GSK3B: variants seen among roughly 807,000 people sequenced by gnomAD.
GSK3B encodes the protein glycogen synthase kinase-3 beta.
GSK3B carries 15 observed loss-of-function variants against 56.4 expected under a neutral mutation model. The observed-to-expected ratio is 0.27, with a 90% confidence interval of 0.18 to 0.41. The LOEUF is 0.41. Among genes scored for constraint, GSK3B ranks in the 10% least tolerant of loss-of-function variants. The pLI is 1.00. For missense variants in GSK3B, 300 were observed against 513.4 expected (o/e 0.58, Z 4.02); for synonymous variants, 181 against 188.9 (o/e 0.96, Z 0.34).
At chr3:119,882,901 T>G (rs2056395153) in intron 7 of GSK3B, among the ~76,000 whole-genome samples, 1 of 152,132 alleles carries the variant, frequency 6.6e-6, no homozygotes. Context: ...AGCTATATTC[T>G]TTACCTTCAA....
chr3:119,845,962 T>C (rs2055850391), intron 9 of GSK3B, among the ~76,000 whole-genome samples: 1 of 152,020 alleles, frequency 6.6e-6, no homozygotes. Flanking sequence ...TACAGACCAA[T>C]GGAACAGAAC....
Position 120,010,007 on chromosome 3 carries a change from C to A in GSK3B, c.89-7768G>T, listed in dbSNP as rs893797630. Among the ~76,000 whole-genome samples the A allele has an allele frequency of 7.5e-4, 114 of 152,228 alleles. 1 individual carries two copies. Among genetic ancestry groups the A allele is most frequent in the African/African-American group, 2.4e-3 (100 of 41,524 alleles). ...AACACTCAAACTGGCATGATTTAATCACCCCAAATCCAAAACCACTTGTGA... is the reference window on the plus strand; with the variant it reads ...AACACTCAAACTGGCATGATTTAATAACCCCAAATCCAAAACCACTTGTGA... On this transcript the variant is annotated intron_variant, in intron 1 of 10. Coordinates refer to ENST00000264235, the MANE Select transcript of GSK3B (RefSeq NM_001146156.2).
chr3:120,089,463 G>A (rs2058492847), intron 1 of GSK3B, among the ~76,000 whole-genome samples: 2 of 152,144 alleles, frequency 1.3e-5, no homozygotes, highest in Admixed American at 1.3e-4. Context: ...ATGTCATAAA[G>A]AGATTAAACT....
At chr3:120,033,304 CAT>C (rs1169090098) in intron 1 of GSK3B, among the ~76,000 whole-genome samples, 3 of 152,070 alleles carry the variant, frequency 2.0e-5, no homozygotes, top group Non-Finnish European at 4.4e-5. Context: ...ATGCTATGAA[CAT>C]GTGTATATAT....
intron 1 of GSK3B, among the ~76,000 whole-genome samples, chr3:120,017,991 GA>G (rs1158821587): frequency 5.3e-5 from 8 of 152,184 alleles, no homozygotes; most frequent in Non-Finnish European, 1.0e-4. Context: ...TCAACAGATT[GA>G]GAAGATAATG....
intron 8 of GSK3B, among the ~76,000 whole-genome samples, chr3:119,871,855 T>C (rs1342749040): frequency 6.6e-6 from 1 of 152,194 alleles, no homozygotes; most frequent in Non-Finnish European, 1.5e-5. Flanking sequence ...ACATATTAAA[T>C]AGCACTAATG....
chr3:119,976,390 C>T (rs1431218251), intron 2 of GSK3B, among the ~76,000 whole-genome samples: 1 of 152,014 alleles, frequency 6.6e-6, no homozygotes, highest in Non-Finnish European at 1.5e-5. Context: ...TATTATTCAG[C>T]CATAAAAGGA....
At chr3:120,006,996 G>C (rs367561357) in intron 1 of GSK3B, among the ~76,000 whole-genome samples, 2 of 151,242 alleles carry the variant, frequency 1.3e-5, no homozygotes, top group South Asian at 4.2e-4. Context: ...TTTTTTGAAA[G>C]ATCAACAAAA....
intron 1 of GSK3B, among the ~76,000 whole-genome samples, chr3:120,083,305 C>T (rs1303830330): frequency 2.0e-5 from 3 of 151,760 alleles, no homozygotes; most frequent in Non-Finnish European, 4.4e-5. Flanking sequence ...TGAAGAGCAG[C>T]GAAAGAAGTC....
At chr3:120,072,719 A>G (rs1435515994) in intron 1 of GSK3B, among the ~76,000 whole-genome samples, 1 of 152,240 alleles carries the variant, frequency 6.6e-6, no homozygotes, top group Non-Finnish European at 1.5e-5. Context: ...ATTTTTCAAC[A>G]TTCATCATTT....
intron 9 of GSK3B, among the ~76,000 whole-genome samples, chr3:119,861,526 AAAACAAACAAAC>A (rs201757793): frequency 4.0e-5 from 6 of 151,360 alleles, no homozygotes; most frequent in Non-Finnish European, 7.4e-5. Context: ...AAAAAAAAAC[AAAACAAACAAAC>A]AAACAAACAA....
chr3:120,024,987 A>G (rs2057910965), intron 1 of GSK3B, among the ~76,000 whole-genome samples: 1 of 152,230 alleles, frequency 6.6e-6, no homozygotes, highest in Admixed American at 6.5e-5. Context: ...GAAAGAAGAT[A>G]GACTCACTAA....
rs143624305 is a variant in GSK3B, at chr3:119,830,633, A to C, written c.1196-3778T>G. ...CATTTTCATTATAAATGATCTGACTATGGATCATTAACCCACTCTAGTCTC... is the reference window on the plus strand; with the variant it reads ...CATTTTCATTATAAATGATCTGACTCTGGATCATTAACCCACTCTAGTCTC... On this transcript the variant is annotated intron_variant, in intron 10 of 10. Coordinates refer to ENST00000264235, the MANE Select transcript of GSK3B (RefSeq NM_001146156.2). 2.6e-5 allele frequency among the ~76,000 whole-genome samples: 4 copies of C among 152,326 alleles called. No homozygotes were observed. The East Asian group carries it at 7.7e-4, about 29-fold the overall frequency.
chr3:119,955,347 G>C (rs528859745), intron 2 of GSK3B, among the ~76,000 whole-genome samples: 1 of 151,938 alleles, frequency 6.6e-6, no homozygotes, highest in South Asian at 2.1e-4. Context: ...TCCATGCATA[G>C]AACATGTAAT....
chr3:120,034,399 G>A (rs748177063), intron 1 of GSK3B, among the ~76,000 whole-genome samples: 4 of 152,104 alleles, frequency 2.6e-5, no homozygotes, highest in Non-Finnish European at 5.9e-5. Flanking sequence ...CATAATTTTT[G>A]TAGATGGTAT....
chr3:119,866,835 C>CA (rs796522385), intron 8 of GSK3B, among the ~76,000 whole-genome samples: 4 of 152,036 alleles, frequency 2.6e-5, no homozygotes, highest in African/African-American at 7.2e-5. Flanking sequence ...ACAGTGTATG[C>CA]AAAAAAATTT....
chr3:120,092,151 C>G (rs2058517830), intron 1 of GSK3B, among the ~76,000 whole-genome samples: 1 of 152,110 alleles, frequency 6.6e-6, no homozygotes, highest in Admixed American at 6.6e-5. Flanking sequence ...TTTAAACAAG[C>G]TATCATTAAA....
intron 1 of GSK3B, among the ~76,000 whole-genome samples, chr3:120,039,556 A>G (rs1334830176): frequency 6.6e-6 from 1 of 152,114 alleles, no homozygotes; most frequent in Non-Finnish European, 1.5e-5. Context: ...CCCTTGGTTA[A>G]ACACTCTGCA....
chr3:119,827,455 T>A (rs1179421571), intron 10 of GSK3B, among the ~76,000 whole-genome samples: 1 of 151,874 alleles, frequency 6.6e-6, no homozygotes, highest in Non-Finnish European at 1.5e-5. Context: ...GTGGTATATA[T>A]ACACAATGGG....
Sources: gnomAD v4.1 joint callset for allele counts (sites outside exome capture counted in the v4.1 genomes callset) on GRCh38, gnomAD v4.1.1 for gene constraint, MANE v1.5 for transcripts, NCBI Gene and HGNC (gene_info 2026-07-23, HGNC 2026-07-21) for gene names.